The following AMD1 variants were observed in gnomAD, a reference collection of about 807,000 sequenced individuals.
AMD1 encodes S-adenosylmethionine decarboxylase proenzyme.
In AMD1, 11 loss-of-function variants were observed where a neutral mutation model predicts 40.2. That is an observed-to-expected ratio of 0.27 (90% CI 0.17 to 0.45). AMD1 has a LOEUF of 0.45. Ranked by LOEUF, AMD1 falls within the 20% of genes least tolerant of loss-of-function variation. AMD1 has a pLI of 1.00. For missense variants in AMD1, 257 were observed against 410.2 expected (o/e 0.63, Z 3.23); for synonymous variants, 121 against 130.8 (o/e 0.93, Z 0.51).
the AMD1 span, among the ~76,000 whole-genome samples, chr6:110,841,269 C>A: frequency 6.6e-6 from 1 of 152,198 alleles, no homozygotes; most frequent in Non-Finnish European, 1.5e-5. Context: ...AATAATAAAT[C>A]TTAAGTGTTA....
At chr6:110,867,663 C>G in the AMD1 span, among the ~76,000 whole-genome samples, 1 of 151,552 alleles carries the variant, frequency 6.6e-6, no homozygotes, top group Non-Finnish European at 1.5e-5. Flanking sequence ...GACTCTCACT[C>G]AAAACAAAAC....
At chr6:110,864,785 C>A in the AMD1 span, among the ~76,000 whole-genome samples, 70 of 152,340 alleles carry the variant, frequency 4.6e-4, no homozygotes, top group South Asian at 0.014. Flanking sequence ...CTAGACACAG[C>A]AAGAGGGGCC....
At chr6:110,866,817 CT>C in the AMD1 span, among the ~76,000 whole-genome samples, 267 of 143,748 alleles carry the variant, frequency 1.9e-3, no homozygotes, top group South Asian at 4.4e-3. Flanking sequence ...ACAACACTTT[CT>C]TTTTTTTTTT....
At chr6:110,843,907 C>T in the AMD1 span, among the ~76,000 whole-genome samples, 1 of 152,068 alleles carries the variant, frequency 6.6e-6, no homozygotes, top group African/African-American at 2.4e-5. Flanking sequence ...CTTTTAAGGA[C>T]CTTTGGGATT....
chr6:110,865,496 C>A, the AMD1 span, among the ~76,000 whole-genome samples: 527 of 152,294 alleles, frequency 3.5e-3, 8 homozygotes, highest in African/African-American at 0.012. Context: ...CAGGTTCAAG[C>A]AATTCTCCTG....
chr6:110,835,081 C>T, the AMD1 span, among the ~76,000 whole-genome samples: 35 of 148,164 alleles, frequency 2.4e-4, no homozygotes, highest in East Asian at 6.4e-3. Context: ...TGCAGTGGCA[C>T]GATCTTGGCT....
the AMD1 span, chr6:110,858,494 G>C: frequency 6.7e-7 from 1 of 1,489,002 alleles, no homozygotes; most frequent in Non-Finnish European, 9.4e-7. Flanking sequence ...GCACCAACTA[G>C]AAAACCTCTC....
At chr6:110,876,309 C>G (rs890804288) in intron 1 of AMD1, among the ~76,000 whole-genome samples, 3 of 152,224 alleles carry the variant, frequency 2.0e-5, no homozygotes, top group Non-Finnish European at 4.4e-5. Context: ...CCTCTGCGCA[C>G]GAGTGCGGCT....
At chr6:110,890,013 AAGAGAGAG>A (rs143903348) in intron 3 of AMD1, 19 of 375,764 alleles carry the variant, frequency 5.1e-5, no homozygotes, top group African/African-American at 3.4e-4. Flanking sequence ...TTTTAAAAAA[AAGAGAGAG>A]AGAGAGAGAT....
the AMD1 span, among the ~76,000 whole-genome samples, chr6:110,824,176 A>G: frequency 2.0e-5 from 3 of 152,230 alleles, no homozygotes; most frequent in Non-Finnish European, 4.4e-5. Flanking sequence ...CTAAGTACCC[A>G]TCAACCAACC....
At chr6:110,885,104 C>A (rs902546623) in intron 1 of AMD1, among the ~76,000 whole-genome samples, 2 of 152,140 alleles carry the variant, frequency 1.3e-5, no homozygotes, top group African/African-American at 4.8e-5. Flanking sequence ...AGCAGGATTT[C>A]ATTCCCACGA....
chr6:110,840,732 C>G, the AMD1 span, among the ~76,000 whole-genome samples: 1 of 148,834 alleles, frequency 6.7e-6, no homozygotes, highest in East Asian at 2.0e-4. Context: ...GTCTTAAGAC[C>G]CACAGTCAGA....
At chr6:110,834,011 AT>A in the AMD1 span, among the ~76,000 whole-genome samples, 1 of 152,074 alleles carries the variant, frequency 6.6e-6, no homozygotes, top group Non-Finnish European at 1.5e-5. Flanking sequence ...TGATGCAAAC[AT>A]GGCTTACTGC....
chr6:110,876,069 A>C (rs1785093686), intron 1 of AMD1, among the ~76,000 whole-genome samples: 1 of 152,222 alleles, frequency 6.6e-6, no homozygotes, highest in Admixed American at 6.5e-5. Flanking sequence ...AATGCCTCTA[A>C]TGCCTTAAGC....
chr6:110,878,073 A>G (rs1785206556), intron 1 of AMD1, among the ~76,000 whole-genome samples: 3 of 152,308 alleles, frequency 2.0e-5, no homozygotes, highest in African/African-American at 7.2e-5. Context: ...GAACACCTAA[A>G]TAACTTGAAT....
the AMD1 span, among the ~76,000 whole-genome samples, chr6:110,818,524 T>TTA: frequency 4.0e-5 from 6 of 151,494 alleles, no homozygotes; most frequent in East Asian, 1.9e-4. Context: ...AGTATCTTAT[T>TTA]TATATATATA....
At chr6:110,840,815 G>A in the AMD1 span, among the ~76,000 whole-genome samples, 1 of 152,166 alleles carries the variant, frequency 6.6e-6, no homozygotes, top group East Asian at 1.9e-4. Context: ...GGAGGGCAGA[G>A]AGATTCCATT....
At chr6:110,879,293 G>A (rs190059824) in intron 1 of AMD1, among the ~76,000 whole-genome samples, 98 of 152,328 alleles carry the variant, frequency 6.4e-4, no homozygotes, top group African/African-American at 2.2e-3. Context: ...GATCGAGGCT[G>A]CAGCGAAATG....
chr6:110,850,484 C>G, the AMD1 span, among the ~76,000 whole-genome samples: 3 of 151,574 alleles, frequency 2.0e-5, no homozygotes, highest in Admixed American at 6.6e-5. Flanking sequence ...GCCTGTTCTC[C>G]TGAAGACCCA....
Sources: allele counts gnomAD v4.1 joint callset (sites outside exome capture counted in the v4.1 genomes callset), GRCh38; gene constraint gnomAD v4.1.1; transcripts MANE v1.5; gene names NCBI Gene and HGNC (gene_info 2026-07-23, HGNC 2026-07-21).